PTPRU: variants seen among roughly 807,000 people sequenced by gnomAD.
PTPRU encodes protein tyrosine phosphatase receptor type U.
PTPRU carries 69 observed loss-of-function variants against 166.3 expected under a neutral mutation model. That is an observed-to-expected ratio of 0.41 (90% CI 0.34 to 0.51). The LOEUF (loss-of-function observed/expected upper bound fraction) is 0.51, where lower values mean the gene tolerates loss of function less well. Among genes scored for constraint, PTPRU ranks in the 20% least tolerant of loss-of-function variants. The probability of loss-of-function intolerance (pLI) is 0.09; values close to 1 mark genes in which losing one functional copy is unlikely to be tolerated. For missense variants in PTPRU, 1,657 were observed against 2,013.7 expected (o/e 0.82, Z 3.39); for synonymous variants, 793 against 814.0 (o/e 0.97, Z 0.44).
Position 29,326,080 on chromosome 1 carries a change from T to C in PTPRU, c.*419T>C. 1 of 400,582 alleles carries C rather than the reference T, an allele frequency of 2.5e-6. No individual in the cohort carries two copies. Among genetic ancestry groups the C allele is most frequent in the Non-Finnish European group, 4.4e-6 (1 of 228,144 alleles). The allele number at this position is 400,582 out of a possible 1,614,324, so 24.8% of individuals were successfully genotyped here. ...CAAGGTTCCCACTCAGCCTGCCCCC[T>C]CTGCATGTGGGTAGAGGATGTACTG... On this transcript the variant is annotated 3_prime_UTR_variant, in exon 30 of 30. Transcript: ENST00000373779.
In PTPRU at chr1:29,258,594, T is replaced by C. The variant is rs1684876275; in HGVS notation, c.295T>C (p.Cys99Arg). 1.2e-6 allele frequency: 2 copies of C among 1,614,116 alleles called. No homozygotes were observed. The change falls in exon 3 of 30, where the codon TGT becomes CGT. Residue 99 changes from cysteine to arginine, a missense_variant. This residue lies in a region of PTPRU where 453 missense variants were observed against 496.9 expected (regional missense o/e 0.91). Transcript: ENST00000373779. ...GAGCCTGAGCGAGAATGATACCCAC[T>C]GTGTGCAGTTCAGCTACTTCCTGTA... Reference protein sequence around the residue: ...FQSLSENDTHCVQFSYFLYSR... With the variant: ...FQSLSENDTHRVQFSYFLYSR...
Position 29,320,831 on chromosome 1 carries a change from G to A in PTPRU, c.3828+6G>A, listed in dbSNP as rs776786611. 5 of 1,561,594 alleles carry A rather than the reference G, an allele frequency of 3.2e-6. No individual in the cohort carries two copies. Among genetic ancestry groups the A allele is most frequent in the Non-Finnish European group, 3.5e-6 (4 of 1,145,246 alleles). ...ACCAGTCCAACTCCGCCTGGGTGAGGCCTCCACTGGCCAGGCCAATGGGCC... is the reference window on the plus strand; with the variant it reads ...ACCAGTCCAACTCCGCCTGGGTGAGACCTCCACTGGCCAGGCCAATGGGCC... On this transcript the variant is annotated splice_donor_region_variant and intron_variant, in intron 26 of 29. Transcript: ENST00000373779. The surrounding 1 kb of genome is among the most constrained non-coding windows in gnomAD (Gnocchi z 5.2).
At chr1:29,314,347 T>C (rs1423147789) in intron 22 of PTPRU, among the ~76,000 whole-genome samples, 1 of 152,192 alleles carries the variant, frequency 6.6e-6, no homozygotes, top group Admixed American at 6.5e-5. Context: ...TTGTGCTAAG[T>C]TAAGCCCCAC....
chr1:29,266,290 C>T (rs977411905), intron 7 of PTPRU, among the ~76,000 whole-genome samples: 9 of 152,026 alleles, frequency 5.9e-5, no homozygotes, highest in East Asian at 1.9e-4. Context: ...TGAGCCACCG[C>T]GCCTGGCCTC....
chr1:29,243,245 T>C (rs1024907676), intron 1 of PTPRU, among the ~76,000 whole-genome samples: 2 of 152,114 alleles, frequency 1.3e-5, no homozygotes, highest in African/African-American at 4.8e-5. Context: ...TGGAATAAGC[T>C]TCTAAGGCAG....
At chr1:29,307,235 T>C in intron 18 of PTPRU, 1 of 1,485,004 alleles carries the variant, frequency 6.7e-7, no homozygotes, top group Non-Finnish European at 9.4e-7. Context: ...GGTCTCTGGC[T>C]GTCTGTCTCT....
intron 1 of PTPRU, among the ~76,000 whole-genome samples, chr1:29,253,789 A>G (rs964744389): frequency 6.6e-6 from 1 of 152,002 alleles, no homozygotes; most frequent in East Asian, 1.9e-4. Flanking sequence ...TCTGACCCAC[A>G]TGGATTCAAA....
intron 1 of PTPRU, among the ~76,000 whole-genome samples, chr1:29,254,687 G>A (rs929653215): frequency 1.8e-4 from 28 of 152,186 alleles, no homozygotes; most frequent in Non-Finnish European, 4.0e-4. Context: ...GGCAACTGTT[G>A]TTTTTAAAGG....
rs1018771328 is a variant in PTPRU at position 29,280,350 on chromosome 1, G to A, written c.1868+209G>A. 8.5e-5 allele frequency among the ~76,000 whole-genome samples: 13 copies of A among 152,216 alleles called. No individual in the cohort carries two copies. ...CCTCTGAGGCCATGGGTCTCAGATGGTGACTGTCAGGAGGACCCTGGATAG... is the reference window on the plus strand; with the variant it reads ...CCTCTGAGGCCATGGGTCTCAGATGATGACTGTCAGGAGGACCCTGGATAG... On this transcript the variant is annotated intron_variant, in intron 11 of 29. Coordinates refer to ENST00000373779, the MANE Select transcript of PTPRU (RefSeq NM_133178.4). The surrounding 1 kb of genome is among the most constrained non-coding windows in gnomAD (Gnocchi z 4.2).
chr1:29,236,525 C>CCCGCTCCGCG lies in PTPRU; in HGVS notation c.-115_-106dup. Reference sequence around the variant, plus strand: ...CTCGCGCTCTGGACTCGGCGCCAGTCCCGCTCCGCGCCGCGCCGCTCCGCT... The same window carrying CCCGCTCCGCG: ...CTCGCGCTCTGGACTCGGCGCCAGTCCCGCTCCGCGCCGCTCCGCGCCGCGCCGCTCCGCT... On this transcript the variant is annotated 5_prime_UTR_variant, in exon 1 of 30. Coordinates refer to ENST00000373779, the MANE Select transcript of PTPRU (RefSeq NM_133178.4). The surrounding 1 kb of genome is among the most constrained non-coding windows in gnomAD (Gnocchi z 4.6). 2 of 766,882 alleles carry CCCGCTCCGCG rather than the reference C, an allele frequency of 2.6e-6. No individual in the cohort carries two copies. The highest frequency in any genetic ancestry group is 3.3e-6 in the Non-Finnish European group (2 of 603,658). 47.5% of individuals were successfully genotyped at this position (766,882 alleles called of 1,614,324 possible).
At position 29,315,282 on chromosome 1, in the gene PTPRU, G is replaced by T. The variant is rs543281555; in HGVS notation, c.3228-90G>T. 6 of 1,524,402 alleles carry T rather than the reference G, an allele frequency of 3.9e-6. No individual in the cohort carries two copies. In the African/African-American group the frequency reaches 8.2e-5, roughly 21 times the overall value. 94.4% of individuals were successfully genotyped at this position (1,524,402 alleles called of 1,614,324 possible). A position where few individuals can be genotyped will look rare whatever the true frequency, so the allele number is the denominator to read the frequency against. On this transcript the variant is annotated intron_variant, in intron 22 of 29. Transcript: ENST00000373779. The surrounding 1 kb of genome is among the most constrained non-coding windows in gnomAD (Gnocchi z 4.5). ...GTGTCCGTGTCCCCTGTATGGTGTAGACATGGCCAGTGCCCTCCTCTCTTC... is the reference window on the plus strand; with the variant it reads ...GTGTCCGTGTCCCCTGTATGGTGTATACATGGCCAGTGCCCTCCTCTCTTC...
chr1:29,304,393 G>A (rs1400582948), intron 16 of PTPRU, among the ~76,000 whole-genome samples: 1 of 152,086 alleles, frequency 6.6e-6, no homozygotes, highest in African/African-American at 2.4e-5. Flanking sequence ...GTCATCCTAA[G>A]CTCCATTTGA....
intron 8 of PTPRU, among the ~76,000 whole-genome samples, chr1:29,276,187 T>C (rs1685796586): frequency 6.6e-6 from 1 of 152,198 alleles, no homozygotes; most frequent in East Asian, 1.9e-4. Flanking sequence ...GACAGAGTCT[T>C]GCTCTGTTGC....
intron 1 of PTPRU, among the ~76,000 whole-genome samples, chr1:29,252,291 A>G (rs1558549373): frequency 2.2e-5 from 3 of 137,790 alleles, no homozygotes; most frequent in African/African-American, 2.7e-5. Flanking sequence ...TTTTTGAGAC[A>G]GAGTCACACT....
In PTPRU at chr1:29,284,720, G is replaced by C. The variant is rs1686261431; in HGVS notation, c.2180-11G>C. On this transcript the variant is annotated splice_polypyrimidine_tract_variant and intron_variant, in intron 13 of 29. Coordinates refer to ENST00000373779, the MANE Select transcript of PTPRU (RefSeq NM_133178.4). ...TTCCTCTGATCCCTTGTTCTGCTTTGTTCTCCCCAGCTGCCTGCAAGGAAA... is the reference window on the plus strand; with the variant it reads ...TTCCTCTGATCCCTTGTTCTGCTTTCTTCTCCCCAGCTGCCTGCAAGGAAA... 1 of 1,613,914 alleles carries C rather than the reference G, an allele frequency of 6.2e-7. No individual in the cohort carries two copies.
At chr1:29,300,354 C>G (rs1687083559) in intron 15 of PTPRU, among the ~76,000 whole-genome samples, 1 of 152,208 alleles carries the variant, frequency 6.6e-6, no homozygotes, top group Admixed American at 6.5e-5. Context: ...ATTTAAAATG[C>G]AAACAAACAT....
At chr1:29,292,059 G>A (rs778429756) in intron 15 of PTPRU, 33 bp downstream of exon 15, 41 of 1,608,846 alleles carry the variant, frequency 2.5e-5, no homozygotes, top group Non-Finnish European at 3.5e-5. Flanking sequence ...CCTTCTTCAT[G>A]GCTCTGGGGC....
rs1320348010 is a variant in PTPRU at position 29,271,616 on chromosome 1, A to T, written c.1145-3832A>T. Among the ~76,000 whole-genome samples the T allele has an allele frequency of 6.6e-6, 1 of 152,122 alleles. No individual in the cohort carries two copies. The highest frequency in any genetic ancestry group is 6.6e-5 in the Admixed American group (1 of 15,258). ...TTTAAAAATCTGGAGATTTCACATAAAAATTGGAATTTCTGGCTCCTCTTG... is the reference window on the plus strand; with the variant it reads ...TTTAAAAATCTGGAGATTTCACATATAAATTGGAATTTCTGGCTCCTCTTG... On this transcript the variant is annotated intron_variant, in intron 7 of 29. Transcript: ENST00000373779. The surrounding 1 kb of genome is among the most constrained non-coding windows in gnomAD (Gnocchi z 4.4).
At position 29,280,067 on chromosome 1, in the gene PTPRU, G is replaced by A. The variant is rs745951491; in HGVS notation, c.1794G>A (p.Pro598=). The A allele has an allele frequency of 2.7e-5, 43 of 1,613,738 alleles. No homozygotes were observed. Among genetic ancestry groups the A allele is most frequent in the Admixed American group, 1.0e-4 (6 of 60,018 alleles). The change falls in exon 11 of 30, where the codon CCG becomes CCA. Residue 598 remains proline (P), a synonymous_variant. Transcript: ENST00000373779. The surrounding 1 kb of genome is among the most constrained non-coding windows in gnomAD (Gnocchi z 4.2). ...SAPSFDYADM[P]SPLGESENTI... ...CCAGCTTTGATTATGCCGACATGCC[G>A]TCACCCCTGGGCGAGTCTGAGAACA...
Sources: gnomAD v4.1 joint callset for allele counts (sites outside exome capture counted in the v4.1 genomes callset) on GRCh38, gnomAD v4.1.1 for gene constraint, gnomAD v4.1.1 regional missense constraint, Gnocchi (gnomAD v3.1) non-coding constraint, MANE v1.5 for transcripts, NCBI Gene and HGNC (gene_info 2026-07-23, HGNC 2026-07-21) for gene names.